Variants in ZC4H2 observed in about 807,000 individuals in gnomAD.
ZC4H2 encodes the protein zinc finger C4H2 domain-containing protein.
For synonymous variants in ZC4H2, 84 were observed against 66.3 expected (o/e 1.27, Z -1.30); for missense variants, 137 against 173.9 (o/e 0.79, Z 1.19).
intron 1 of ZC4H2, among the ~76,000 whole-genome samples, chrX:65,026,514 C>A (rs1402066319): frequency 9.1e-6 from 1 of 110,464 alleles, no homozygotes; most frequent in Non-Finnish European, 1.9e-5. Flanking sequence ...TCGAGACCAC[C>A]CTGGCTAACA....
intron 1 of ZC4H2, among the ~76,000 whole-genome samples, chrX:65,007,357 G>A (rs749928197): frequency 8.9e-5 from 10 of 112,034 alleles, no homozygotes; most frequent in Non-Finnish European, 1.1e-4. Flanking sequence ...TTTTGTTACT[G>A]TTTTTATTTA....
At chrX:65,019,061 T>C (rs1177620052) in intron 1 of ZC4H2, among the ~76,000 whole-genome samples, 2 of 111,313 alleles carry the variant, frequency 1.8e-5, no homozygotes, top group African/African-American at 6.5e-5. Context: ...AAAACCCCCA[T>C]CTCACTGGGA....
intron 1 of ZC4H2, among the ~76,000 whole-genome samples, chrX:64,935,510 C>T (rs1265554048): frequency 8.9e-6 from 1 of 111,989 alleles, no homozygotes; most frequent in East Asian, 2.9e-4. Flanking sequence ...AGTCCCTGAC[C>T]CCCATGTTTC....
chrX:64,981,415 A>AT (rs1350591874), upstream of ZC4H2, among the ~76,000 whole-genome samples: 2 of 111,225 alleles, frequency 1.8e-5, no homozygotes, highest in Non-Finnish European at 3.8e-5. Context: ...GGTGGCTTGA[A>AT]TTACAGTAGT....
At chrX:64,996,536 T>C (rs1044362425) in intron 1 of ZC4H2, among the ~76,000 whole-genome samples, 4 of 111,667 alleles carry the variant, frequency 3.6e-5, no homozygotes, top group Non-Finnish European at 7.5e-5. Flanking sequence ...TTAACACAAC[T>C]GTCATAAATA....
At chrX:64,993,716 G>C (rs747069662) in intron 1 of ZC4H2, among the ~76,000 whole-genome samples, 28 of 111,529 alleles carry the variant, frequency 2.5e-4, no homozygotes, top group Non-Finnish European at 5.1e-4. Context: ...TATTGCTAAG[G>C]GTCTTCCTCT....
intron 1 of ZC4H2, among the ~76,000 whole-genome samples, chrX:64,989,150 C>T (rs1160711544): frequency 9.0e-6 from 1 of 111,540 alleles, no homozygotes; most frequent in African/African-American, 3.3e-5. Flanking sequence ...AGTCAGGTAG[C>T]GTGATGCCTC....
intron 1 of ZC4H2, among the ~76,000 whole-genome samples, chrX:65,033,822 C>T (rs937319877): frequency 8.9e-5 from 10 of 111,884 alleles, no homozygotes; most frequent in African/African-American, 2.9e-4. Flanking sequence ...GGCACGGTGG[C>T]TTACGCCTGT....
chrX:64,934,740 C>T (rs766746022), intron 1 of ZC4H2, among the ~76,000 whole-genome samples: 10 of 111,522 alleles, frequency 9.0e-5, no homozygotes, highest in East Asian at 2.8e-4. Flanking sequence ...TGCAAGGGGT[C>T]GGGGAACTCC....
intron 1 of ZC4H2, among the ~76,000 whole-genome samples, chrX:65,002,070 C>T (rs1242339831): frequency 9.0e-6 from 1 of 111,482 alleles, no homozygotes; most frequent in Non-Finnish European, 1.9e-5. Flanking sequence ...AGGACTTGAA[C>T]TCAGCTCTAG....
upstream of ZC4H2, among the ~76,000 whole-genome samples, chrX:64,976,771 CG>C (rs1477951075): frequency 9.0e-6 from 1 of 111,359 alleles, no homozygotes; most frequent in Non-Finnish European, 1.9e-5. Context: ...TCGCTCCCTT[CG>C]GGGGCCCTCG....
chrX:65,031,165 C>T (rs1478710204), intron 1 of ZC4H2, among the ~76,000 whole-genome samples: 1 of 111,956 alleles, frequency 8.9e-6, no homozygotes, highest in Non-Finnish European at 1.9e-5. Context: ...TTTGGCATGG[C>T]ATACAAGGCA....
At chrX:64,955,824 C>T (rs187564881) in intron 1 of ZC4H2, among the ~76,000 whole-genome samples, 13 of 112,080 alleles carry the variant, frequency 1.2e-4, no homozygotes, top group African/African-American at 2.6e-4. Context: ...TATACTTTGA[C>T]AGATAAAAGA....
At position 64,961,864 on chromosome X, in the gene ZC4H2, T is replaced by C. The variant is rs747596825; in HGVS notation, c.53+14461A>G. On this transcript the variant is annotated intron_variant, in intron 1 of 4. Coordinates refer to ENST00000374839, the MANE Select transcript of ZC4H2 (RefSeq NM_018684.4). Reference sequence around the variant, plus strand: ...CATACAATCTGGCAAGACTGAGTCCTGTATAAATAGAAAATCTGAATAGAC... The same window carrying C: ...CATACAATCTGGCAAGACTGAGTCCCGTATAAATAGAAAATCTGAATAGAC... 5.4e-5 allele frequency among the ~76,000 whole-genome samples: 6 copies of C among 111,385 alleles called. No homozygotes were observed. The South Asian group carries it at 2.2e-3, about 41-fold the overall frequency.
intron 1 of ZC4H2, among the ~76,000 whole-genome samples, chrX:64,928,626 CTTTCTCCTT>C (rs1378465015): frequency 2.2e-5 from 2 of 91,293 alleles, no homozygotes; most frequent in Non-Finnish European, 4.2e-5. Flanking sequence ...CCTTTGCCTG[CTTTCTCCTT>C]CTTCTTCTTC....
chrX:65,009,684 G>A (rs1932728241), intron 1 of ZC4H2, among the ~76,000 whole-genome samples: 1 of 111,977 alleles, frequency 8.9e-6, no homozygotes, highest in Admixed American at 9.5e-5. Context: ...TAAGTTCAGG[G>A]TTCTTCAGCA....
chrX:64,950,317 A>G (rs1244388736), intron 1 of ZC4H2, among the ~76,000 whole-genome samples: 4 of 111,828 alleles, frequency 3.6e-5, no homozygotes, highest in Non-Finnish European at 7.5e-5. Context: ...AGAAGAATGT[A>G]TATTCTGTTG....
intron 1 of ZC4H2, among the ~76,000 whole-genome samples, chrX:64,925,272 T>A (rs1476548425): frequency 9.0e-6 from 1 of 111,627 alleles, no homozygotes; most frequent in African/African-American, 3.3e-5. Context: ...AGTGGGAGAA[T>A]GGGAAGGGAA....
At chrX:64,918,637 T>A (rs974486077) in intron 4 of ZC4H2, 2 of 122,743 alleles carry the variant, frequency 1.6e-5, no homozygotes, top group Non-Finnish European at 3.3e-5. Flanking sequence ...CAGTTTTGCA[T>A]CTAACTTTGC....
Sources: gnomAD v4.1 joint callset for allele counts (sites outside exome capture counted in the v4.1 genomes callset) on GRCh38, gnomAD v4.1.1 for gene constraint, MANE v1.5 for transcripts, NCBI Gene and HGNC (gene_info 2026-07-23, HGNC 2026-07-21) for gene names.